Variants in PTPRG observed in about 807,000 individuals in gnomAD.
PTPRG encodes the protein protein tyrosine phosphatase receptor type G, also known as receptor-type tyrosine-protein phosphatase gamma.
PTPRG carries 102 observed loss-of-function variants against 165.3 expected under a neutral mutation model. The observed-to-expected ratio is 0.62, with a 90% CI of 0.53 to 0.73. The LOEUF (loss-of-function observed/expected upper bound fraction) is 0.73. Ranked by LOEUF, PTPRG falls within the 30% of genes least tolerant of loss-of-function variation. PTPRG has a pLI of 0.00. For missense variants in PTPRG, 1,866 were observed against 1,861.4 expected, an observed-to-expected ratio of 1.00 and a Z score of -0.05; for synonymous variants, 675 against 669.5, an observed-to-expected ratio of 1.01 and a Z score of -0.13.
At chr3:62,128,202 A>G (rs1378713265) in intron 5 of PTPRG, among the ~76,000 whole-genome samples, 1 of 152,122 alleles carries the variant, frequency 6.6e-6, no homozygotes, top group Non-Finnish European at 1.5e-5. Flanking sequence ...GAAGTTTTGC[A>G]ATGAGAGTAC....
chr3:62,093,158 G>A (rs1017627393), intron 5 of PTPRG, among the ~76,000 whole-genome samples: 4 of 152,186 alleles, frequency 2.6e-5, no homozygotes, highest in African/African-American at 9.7e-5. Context: ...GTGCACACAG[G>A]TTGAGAACTA....
In PTPRG at chr3:61,949,489, G is replaced by A. The variant is rs75775048; in HGVS notation, c.191-40136G>A. On this transcript the variant is annotated intron_variant, in intron 2 of 29. Transcript: ENST00000474889. ...CAATTGAAGTGAGGCTTTGGGTAGCGTTTACTATGTGCCACATGCCTCAAT... is the reference window on the plus strand; with the variant it reads ...CAATTGAAGTGAGGCTTTGGGTAGCATTTACTATGTGCCACATGCCTCAAT... 1.3e-3 allele frequency among the ~76,000 whole-genome samples: 202 copies of A among 152,206 alleles called. 3 individuals carry two copies. In the East Asian group the frequency reaches 0.026, roughly 19 times the overall value.
intron 4 of PTPRG, among the ~76,000 whole-genome samples, chr3:62,038,030 C>T (rs1372761276): frequency 6.6e-6 from 1 of 152,138 alleles, no homozygotes; most frequent in South Asian, 2.1e-4. Context: ...GTTGGAAGGA[C>T]ATCCAGAAGG....
At chr3:61,627,330 T>C (rs1373399233) in intron 1 of PTPRG, among the ~76,000 whole-genome samples, 1 of 152,066 alleles carries the variant, frequency 6.6e-6, no homozygotes, top group African/African-American at 2.4e-5. Context: ...TAAAAAAACA[T>C]AAAATTTGCC....
At chr3:62,239,356 C>CTTTCTTTTTTTTTTTTTTT (rs1701105392) in intron 14 of PTPRG, among the ~76,000 whole-genome samples, 1 of 138,868 alleles carries the variant, frequency 7.2e-6, no homozygotes, top group Admixed American at 7.2e-5. Context: ...TTTCTTTTTT[C>CTTTCTTTTTTTTTTTTTTT]TTTCTTTTTT....
intron 14 of PTPRG, among the ~76,000 whole-genome samples, chr3:62,238,706 G>T (rs1005389814): frequency 6.6e-6 from 1 of 152,106 alleles, no homozygotes; most frequent in Non-Finnish European, 1.5e-5. Context: ...TATTCTAAAA[G>T]CTCCCTAAGC....
At chr3:61,579,880 G>T (rs965850605) in intron 1 of PTPRG, among the ~76,000 whole-genome samples, 2 of 152,146 alleles carry the variant, frequency 1.3e-5, no homozygotes, top group Non-Finnish European at 2.9e-5. Flanking sequence ...GCTGACCCTC[G>T]AACAACATGG....
chr3:61,570,254 T>A (rs932674697), intron 1 of PTPRG, among the ~76,000 whole-genome samples: 2 of 130,352 alleles, frequency 1.5e-5, no homozygotes, highest in Non-Finnish European at 3.4e-5. Flanking sequence ...TACCCTCTAA[T>A]CTTTTCTTTT....
At chr3:62,274,086 T>C (rs931997059) in intron 23 of PTPRG, among the ~76,000 whole-genome samples, 1 of 152,166 alleles carries the variant, frequency 6.6e-6, no homozygotes, top group African/African-American at 2.4e-5. Context: ...TTTATCTGAA[T>C]ATAAACATCA....
chr3:61,882,060 C>T (rs2037902624), intron 2 of PTPRG, among the ~76,000 whole-genome samples: 1 of 152,186 alleles, frequency 6.6e-6, no homozygotes, highest in South Asian at 2.1e-4. Context: ...CTCCTAGTTA[C>T]ATGCCATTAC....
chr3:61,588,329 A>G (rs2886516), intron 1 of PTPRG, among the ~76,000 whole-genome samples: 136,285 of 152,158 alleles, frequency 0.9, 61,131 homozygotes, highest in South Asian at 0.97. Context: ...GTACTCTTAT[A>G]CTGATGTTAT....
At chr3:61,969,194 G>T (rs2107655838) in intron 2 of PTPRG, among the ~76,000 whole-genome samples, 1 of 152,302 alleles carries the variant, frequency 6.6e-6, no homozygotes, top group South Asian at 2.1e-4. Context: ...GTTAGCAATG[G>T]TGACAGCAAG....
At chr3:61,814,829 C>A (rs902764684) in intron 2 of PTPRG, among the ~76,000 whole-genome samples, 1 of 151,364 alleles carries the variant, frequency 6.6e-6, no homozygotes, top group Non-Finnish European at 1.5e-5. Context: ...TTGTGCCAAG[C>A]ATATTGTTAA....
At chr3:62,257,688 C>G (rs1701571052) in intron 16 of PTPRG, among the ~76,000 whole-genome samples, 3 of 152,168 alleles carry the variant, frequency 2.0e-5, no homozygotes, top group Non-Finnish European at 4.4e-5. Context: ...GGCACAGTGG[C>G]TCACACCTGT....
chr3:62,032,932 C>T (rs926876131), intron 4 of PTPRG, among the ~76,000 whole-genome samples: 4 of 152,090 alleles, frequency 2.6e-5, no homozygotes, highest in Non-Finnish European at 4.4e-5. Context: ...TCTATAAATG[C>T]GCACCTGCAA....
chr3:62,239,864 G>A (rs574880842), intron 14 of PTPRG, among the ~76,000 whole-genome samples: 1 of 152,152 alleles, frequency 6.6e-6, no homozygotes, highest in South Asian at 2.1e-4. Flanking sequence ...GAAATTCCCT[G>A]AAATGAGCAA....
intron 2 of PTPRG, among the ~76,000 whole-genome samples, chr3:61,845,216 G>A (rs1485544632): frequency 1.3e-5 from 2 of 152,092 alleles, no homozygotes; most frequent in East Asian, 3.8e-4. Context: ...CAAATACCTG[G>A]TAGGTGCTTG....
chr3:61,608,549 G>A (rs1442699117), intron 1 of PTPRG, among the ~76,000 whole-genome samples: 1 of 152,204 alleles, frequency 6.6e-6, no homozygotes, highest in African/African-American at 2.4e-5. Flanking sequence ...CTGCCAGCCT[G>A]AGGGTACAAG....
chr3:61,669,504 T>C (rs1320959336), intron 1 of PTPRG, among the ~76,000 whole-genome samples: 1 of 152,204 alleles, frequency 6.6e-6, no homozygotes, highest in African/African-American at 2.4e-5. Context: ...TTACTTCTCT[T>C]CCTAGACTTT....
Sources: allele counts gnomAD v4.1 joint callset (sites outside exome capture counted in the v4.1 genomes callset), GRCh38; gene constraint gnomAD v4.1.1; transcripts MANE v1.5; gene names NCBI Gene and HGNC (gene_info 2026-07-23, HGNC 2026-07-21).